MCTP1: variants seen among roughly 807,000 people sequenced by gnomAD.
MCTP1 encodes the protein multiple C2 and transmembrane domain-containing protein 1.
A neutral mutation model predicts 120.6 loss-of-function variants in MCTP1; 69 were observed. The observed-to-expected ratio is 0.57, with a 90% confidence interval of 0.47 to 0.70. MCTP1 has a LOEUF of 0.70. Ranked by LOEUF, MCTP1 falls within the 30% of genes least tolerant of loss-of-function variation. The pLI is 0.00. For synonymous variants in MCTP1, 529 were observed against 493.1 expected (o/e 1.07, Z -0.96); for missense variants, 1,203 against 1,248.8 (o/e 0.96, Z 0.55).
rs756917436 is a variant in MCTP1, at chr5:95,284,509, G to A, written c.67C>T (p.Arg23Trp). 13 of 1,503,634 alleles carry A rather than the reference G, an allele frequency of 8.6e-6. No homozygotes were observed. In the South Asian group the frequency reaches 1.2e-4, roughly 14 times the overall value. 93.1% of individuals were successfully genotyped at this position (1,503,634 alleles called of 1,614,324 possible). ...CCCAGCTGCAGGTTCTTCCAGAGCC[G>A]GGCCTGGAAGGAGGAGGACGCCGCC... is the stretch of plus-strand genomic sequence containing the variant. ...PPAASSSFQARLWKNLQLGVG... is the reference protein window; with the variant it reads ...PPAASSSFQAWLWKNLQLGVG... Residue 23 changes from arginine to tryptophan, a missense_variant, in exon 1 of 23, where the codon CGG becomes TGG. By Grantham distance (101) the Arg-to-Trp change is moderately radical. Coordinates refer to ENST00000515393, the MANE Select transcript of MCTP1 (RefSeq NM_024717.7). This position sits in a 1 kb window ranked among gnomAD's most constrained non-coding sequence, Gnocchi z 5.2.
At chr5:95,267,721 GC>G in intron 1 of MCTP1, among the ~76,000 whole-genome samples, 1 of 152,242 alleles carries the variant, frequency 6.6e-6, no homozygotes, top group East Asian at 1.9e-4. Flanking sequence ...TCCCTTCAAG[GC>G]TGAGCATCTG....
intron 1 of MCTP1, among the ~76,000 whole-genome samples, chr5:95,211,725 C>T (rs1386970611): frequency 2.0e-5 from 3 of 152,184 alleles, no homozygotes; most frequent in Non-Finnish European, 4.4e-5. Flanking sequence ...TGAGGAACTG[C>T]GTTCCTTTGG....
At chr5:95,206,952 T>C (rs1343272824) in intron 1 of MCTP1, among the ~76,000 whole-genome samples, 1 of 152,194 alleles carries the variant, frequency 6.6e-6, no homozygotes, top group Non-Finnish European at 1.5e-5. Context: ...GGAAATTTGT[T>C]CATTATAGAA....
intron 22 of MCTP1, among the ~76,000 whole-genome samples, chr5:94,707,787 A>G (rs1286581000): frequency 6.6e-6 from 1 of 151,942 alleles, no homozygotes; most frequent in Non-Finnish European, 1.5e-5. Flanking sequence ...AACTTTAGTA[A>G]TGGTATTCAC....
intron 1 of MCTP1, among the ~76,000 whole-genome samples, chr5:95,169,445 T>C (rs1260325895): frequency 6.6e-6 from 1 of 152,220 alleles, no homozygotes; most frequent in Non-Finnish European, 1.5e-5. Context: ...CTTTTTCTGT[T>C]GATTGGAATA....
At chr5:94,934,227 T>C (rs556448583) in intron 5 of MCTP1, among the ~76,000 whole-genome samples, 1 of 151,768 alleles carries the variant, frequency 6.6e-6, no homozygotes, top group South Asian at 2.1e-4. Context: ...ATTAATAATG[T>C]TTTCTTTGCT....
chr5:94,797,780 G>A (rs539278210), intron 18 of MCTP1, among the ~76,000 whole-genome samples: 2 of 152,202 alleles, frequency 1.3e-5, no homozygotes, highest in South Asian at 2.1e-4. Flanking sequence ...AATCTAGTAA[G>A]AGAGACAGAA....
chr5:94,843,189 G>C (rs995104195), intron 17 of MCTP1, among the ~76,000 whole-genome samples: 10 of 151,918 alleles, frequency 6.6e-5, no homozygotes, highest in African/African-American at 2.4e-4. Flanking sequence ...CACATCCTGA[G>C]TAGAATTAAC....
intron 1 of MCTP1, among the ~76,000 whole-genome samples, chr5:95,121,936 C>A (rs866206253): frequency 6.3e-3 from 703 of 112,266 alleles, no homozygotes; most frequent in Non-Finnish European, 6.4e-3. Context: ...TATCCATATG[C>A]AAAAAAAAAA....
chr5:94,864,607 T>C (rs1796463322), intron 17 of MCTP1, among the ~76,000 whole-genome samples: 1 of 151,896 alleles, frequency 6.6e-6, no homozygotes, highest in African/African-American at 2.4e-5. Context: ...AAATTAAATG[T>C]GTAAAATATC....
At chr5:94,942,203 G>C (rs1238720335) in intron 4 of MCTP1, 145 bp downstream of exon 4, 1 of 575,218 alleles carries the variant, frequency 1.7e-6, no homozygotes, top group African/African-American at 1.9e-5. Flanking sequence ...GGGTAAGTGA[G>C]GAAGATGGAT....
chr5:94,990,740 G>GA (rs1831386291), intron 2 of MCTP1, among the ~76,000 whole-genome samples: 1 of 152,114 alleles, frequency 6.6e-6, no homozygotes, highest in Non-Finnish European at 1.5e-5. Context: ...ATCATTAGAG[G>GA]TCATTTTAGA....
intron 17 of MCTP1, among the ~76,000 whole-genome samples, chr5:94,847,887 C>G (rs1369759617): frequency 6.6e-6 from 1 of 151,930 alleles, no homozygotes; most frequent in African/African-American, 2.4e-5. Flanking sequence ...AGATCACAAA[C>G]CCACCTGCTC....
At chr5:95,282,480 C>T (rs867750187) in intron 1 of MCTP1, among the ~76,000 whole-genome samples, 1 of 152,102 alleles carries the variant, frequency 6.6e-6, no homozygotes, top group Non-Finnish European at 1.5e-5. Flanking sequence ...TGTACACGCT[C>T]AAAAATAAAT....
chr5:94,970,875 A>G (rs1826696666), intron 2 of MCTP1, among the ~76,000 whole-genome samples: 1 of 151,788 alleles, frequency 6.6e-6, no homozygotes, highest in African/African-American at 2.4e-5. Flanking sequence ...GGCTATCCCA[A>G]TACTTTTCTG....
At chr5:94,940,257 A>T in intron 4 of MCTP1, 62 bp from the exon 5 acceptor site, 1 of 885,104 alleles carries the variant, frequency 1.1e-6, no homozygotes, top group Non-Finnish European at 1.7e-6. Flanking sequence ...ATATATTTTT[A>T]TTAATGCTTT....
chr5:94,873,075 C>G (rs894327057), intron 13 of MCTP1, 64 bp downstream of exon 13: 2 of 939,168 alleles, frequency 2.1e-6, no homozygotes, highest in African/African-American at 3.3e-5. Flanking sequence ...TTTTTTAAAA[C>G]CCTCAAAAAT....
chr5:95,009,423 C>A (rs547116604), intron 2 of MCTP1, among the ~76,000 whole-genome samples: 62 of 151,924 alleles, frequency 4.1e-4, no homozygotes, highest in Non-Finnish European at 7.8e-4. Context: ...AAAAACCCAA[C>A]CTAATGAAAA....
chr5:95,260,446 A>G (rs1449546407), intron 1 of MCTP1, among the ~76,000 whole-genome samples: 1 of 152,120 alleles, frequency 6.6e-6, no homozygotes, highest in Non-Finnish European at 1.5e-5. Flanking sequence ...TTACAAAAAG[A>G]GTTAGGGTTC....
Sources: gnomAD v4.1 joint callset for allele counts (sites outside exome capture counted in the v4.1 genomes callset) on GRCh38, gnomAD v4.1.1 for gene constraint, Gnocchi (gnomAD v3.1) non-coding constraint, MANE v1.5 for transcripts, NCBI Gene and HGNC (gene_info 2026-07-23, HGNC 2026-07-21) for gene names.